Variants in FBXL20 observed in about 807,000 individuals in gnomAD.
FBXL20 encodes F-box and leucine rich repeat protein 20.
In FBXL20, 11 loss-of-function variants were observed where a neutral mutation model predicts 64.0. The observed-to-expected ratio is 0.17, with a 90% confidence interval of 0.11 to 0.28. The LOEUF is 0.28. Among genes scored for constraint, FBXL20 ranks in the 10% least tolerant of loss-of-function variants. FBXL20 has a pLI of 1.00. For synonymous variants in FBXL20, 184 were observed against 189.0 expected, an observed-to-expected ratio of 0.97 and a Z score of 0.22; for missense variants, 303 against 526.2, an observed-to-expected ratio of 0.58 and a Z score of 4.15.
At chr17:39,336,820 T>C (rs1409057307) in intron 2 of FBXL20, among the ~76,000 whole-genome samples, 1 of 146,888 alleles carries the variant, frequency 6.8e-6, no homozygotes, top group Non-Finnish European at 1.5e-5. Flanking sequence ...TGAGACACCA[T>C]CTCAAAAAAA....
At chr17:39,398,991 A>C (rs1208499699) in intron 1 of FBXL20, among the ~76,000 whole-genome samples, 1 of 152,176 alleles carries the variant, frequency 6.6e-6, no homozygotes, top group African/African-American at 2.4e-5. Flanking sequence ...TTAAATTAAA[A>C]AAATTTTTTT....
At chr17:39,291,067 T>C (rs1044459495) in intron 6 of FBXL20, among the ~76,000 whole-genome samples, 3 of 151,906 alleles carry the variant, frequency 2.0e-5, no homozygotes, top group African/African-American at 4.8e-5. Context: ...GTTCATGCCA[T>C]TCTCCTGCCT....
At chr17:39,370,633 A>T (rs1002025165) in intron 1 of FBXL20, among the ~76,000 whole-genome samples, 16 of 150,802 alleles carry the variant, frequency 1.1e-4, no homozygotes, top group Non-Finnish European at 1.6e-4. Context: ...AAAAAAAAAA[A>T]AAATACAAAA....
At chr17:39,295,709 CAT>C (rs1366400891) in intron 6 of FBXL20, among the ~76,000 whole-genome samples, 2 of 150,954 alleles carry the variant, frequency 1.3e-5, no homozygotes, top group East Asian at 3.9e-4. Context: ...CTCACTTCCC[CAT>C]ATAAGTAACT....
chr17:39,365,659 C>A (rs561205589), intron 1 of FBXL20, among the ~76,000 whole-genome samples: 2 of 151,668 alleles, frequency 1.3e-5, no homozygotes, highest in African/African-American at 4.9e-5. Context: ...CATCTACACA[C>A]TTTTATTTTT....
chr17:39,269,670 G>A (rs1487418436), intron 11 of FBXL20, among the ~76,000 whole-genome samples: 1 of 151,732 alleles, frequency 6.6e-6, no homozygotes, highest in Admixed American at 6.6e-5. Context: ...GGCTAATTTT[G>A]TGTTTTTAGT....
At chr17:39,381,232 T>A (rs1025555750) in intron 1 of FBXL20, among the ~76,000 whole-genome samples, 1 of 151,312 alleles carries the variant, frequency 6.6e-6, no homozygotes, top group African/African-American at 2.4e-5. Context: ...TTCCAGCACT[T>A]TGGGAGGCTG....
intron 2 of FBXL20, among the ~76,000 whole-genome samples, chr17:39,316,829 A>T (rs912829138): frequency 6.6e-6 from 1 of 152,194 alleles, no homozygotes; most frequent in Non-Finnish European, 1.5e-5. Context: ...CTCTACTGAA[A>T]ATACTAAAAA....
chr17:39,269,913 G>C (rs866127083), intron 11 of FBXL20, among the ~76,000 whole-genome samples: 12 of 152,318 alleles, frequency 7.9e-5, no homozygotes, highest in Middle Eastern at 3.4e-3. Flanking sequence ...ACTGCACCCA[G>C]GCTATGGCCT....
At position 39,252,759 on chromosome 17, in the gene FBXL20, A is replaced by G. The variant is rs1040595312; in HGVS notation, c.*8701T>C. The G allele has an allele frequency of 2.0e-5, 3 of 149,502 alleles. No individual in the cohort carries two copies. The highest frequency in any genetic ancestry group is 5.0e-5 in the African/African-American group (2 of 40,108). The allele number at this position is 149,502 out of a possible 1,614,324, so 9.3% of individuals were successfully genotyped here. ...AACAATTTACTTTATATATTTATAT[A>G]TAAAAAACTTTTTTTTTTTTTTTTT... On this transcript the variant is annotated 3_prime_UTR_variant, in exon 15 of 15. Transcript: ENST00000264658.
intron 13 of FBXL20, among the ~76,000 whole-genome samples, chr17:39,264,754 A>G (rs1303580103): frequency 6.6e-6 from 1 of 152,246 alleles, no homozygotes; most frequent in Non-Finnish European, 1.5e-5. Context: ...TTTGAACTAA[A>G]TATTGAATAT....
chr17:39,310,088 G>GGTT lies in FBXL20; in HGVS notation c.105-6452_105-6450dup, dbSNP rs564934271. ...GGATTGTTTGAATCAAGGAAACAGA[G>GGTT]GTTGCAGTGAGCTGAGATCGCCCCA... On this transcript the variant is annotated intron_variant, in intron 2 of 14. Coordinates refer to ENST00000264658, the MANE Select transcript of FBXL20 (RefSeq NM_032875.3). Among the ~76,000 whole-genome samples, 425 of 151,072 alleles carry GGTT rather than the reference G, an allele frequency of 2.8e-3. 1 individual carries two copies. Among genetic ancestry groups the GGTT allele is most frequent in the African/African-American group, 9.2e-3 (376 of 41,074 alleles).
Position 39,315,393 on chromosome 17 carries a change from TTATA to T in FBXL20, c.105-11758_105-11755del, listed in dbSNP as rs59563317. 1.0e-4 allele frequency among the ~76,000 whole-genome samples: 14 copies of T among 134,564 alleles called. 1 individual carries two copies. Among genetic ancestry groups the T allele is most frequent in the African/African-American group, 2.1e-4 (7 of 33,956 alleles). 88.3% of individuals were successfully genotyped at this position (134,564 alleles called of 152,430 possible). ...TATTAATGGGCAAAGTTTAAATAAT[TTATA>T]TATATATATATATATAGTACATGTC... On this transcript the variant is annotated intron_variant, in intron 2 of 14. Transcript: ENST00000264658.
intron 1 of FBXL20, among the ~76,000 whole-genome samples, chr17:39,356,696 C>T (rs2047744335): frequency 6.6e-6 from 1 of 151,994 alleles, no homozygotes; most frequent in Admixed American, 6.6e-5. Context: ...CACTCTGTCA[C>T]CCAGGGTGGA....
At chr17:39,286,127 A>G (rs2046986326) in intron 6 of FBXL20, among the ~76,000 whole-genome samples, 1 of 152,244 alleles carries the variant, frequency 6.6e-6, no homozygotes, top group Non-Finnish European at 1.5e-5. Flanking sequence ...TCATTTTAAT[A>G]TTTAACAGAT....
chr17:39,291,048 G>A lies in FBXL20; in HGVS notation c.399-5475C>T, dbSNP rs992638761. Among the ~76,000 whole-genome samples, 4 of 150,800 alleles carry A rather than the reference G, an allele frequency of 2.7e-5. No individual in the cohort carries two copies. The Admixed American group carries it at 2.7e-4, about 10-fold the overall frequency. On this transcript the variant is annotated intron_variant, in intron 6 of 14. Transcript: ENST00000264658. Reference sequence around the variant, plus strand: ...GCGATCTCGGCTCACTGCAAGCTCCGCCTCCCGGGTTCATGCCATTCTCCT... The same window carrying A: ...GCGATCTCGGCTCACTGCAAGCTCCACCTCCCGGGTTCATGCCATTCTCCT...
intron 2 of FBXL20, among the ~76,000 whole-genome samples, chr17:39,340,808 A>G (rs938727687): frequency 3.3e-5 from 5 of 152,082 alleles, no homozygotes; most frequent in African/African-American, 1.2e-4. Flanking sequence ...TAAAAACCAC[A>G]TATTTGAAAG....
At chr17:39,317,585 T>C (rs761152488) in intron 2 of FBXL20, among the ~76,000 whole-genome samples, 14 of 144,490 alleles carry the variant, frequency 9.7e-5, no homozygotes, top group East Asian at 2.1e-4. Flanking sequence ...ATGGTGATTA[T>C]AAAGAAGGAA....
At chr17:39,264,521 G>A in intron 13 of FBXL20, 134 bp from the exon 14 acceptor site, 1 of 891,214 alleles carries the variant, frequency 1.1e-6, no homozygotes, top group Non-Finnish European at 1.7e-6. Flanking sequence ...GATCCACGTG[G>A]TGAAATTTAA....
Sources: allele counts gnomAD v4.1 joint callset (sites outside exome capture counted in the v4.1 genomes callset), GRCh38; gene constraint gnomAD v4.1.1; transcripts MANE v1.5; gene names NCBI Gene and HGNC (gene_info 2026-07-23, HGNC 2026-07-21).